Variants in RAB3D observed in about 807,000 individuals in gnomAD.
The protein encoded by RAB3D is RAB3D, member RAS oncogene family.
Under a neutral mutation model 19.3 loss-of-function variants are expected in RAB3D, and 17 were observed. The ratio of observed to expected loss-of-function variants is 0.88; its 90% confidence interval spans 0.60 to 1.32. RAB3D has a LOEUF of 1.32. Ranked by LOEUF, RAB3D falls within the 40% of genes most tolerant of loss-of-function variation. The pLI is 0.00. For synonymous variants in RAB3D, 103 were observed against 119.9 expected, an observed-to-expected ratio of 0.86 and a Z score of 0.92; for missense variants, 223 against 299.1, an observed-to-expected ratio of 0.75 and a Z score of 1.88.
rs1233886326 is a variant in RAB3D at position 11,339,544 on chromosome 19, G to A, written c.-137C>T. On this transcript the variant is annotated 5_prime_UTR_variant, in exon 1 of 5. Coordinates refer to ENST00000222120, the MANE Select transcript of RAB3D (RefSeq NM_004283.4). ...CCTCGCGTAGGGGGCGCCGCCTGCAGGGGTTCCGCCTGTGAACTCGCTGCG... is the reference window on the plus strand; with the variant it reads ...CCTCGCGTAGGGGGCGCCGCCTGCAAGGGTTCCGCCTGTGAACTCGCTGCG... 1 of 152,436 alleles carries A rather than the reference G, an allele frequency of 6.6e-6. No individual in the cohort carries two copies. The highest frequency in any genetic ancestry group is 1.5e-5 in the Non-Finnish European group (1 of 68,214). The allele number at this position is 152,436 out of a possible 1,614,324, so 9.4% of individuals were successfully genotyped here. A position where few individuals can be genotyped will look rare whatever the true frequency, so the allele number is the denominator to read the frequency against.
chr19:11,332,919 TA>T (rs1266167595), intron 4 of RAB3D, among the ~76,000 whole-genome samples: 4 of 151,400 alleles, frequency 2.6e-5, no homozygotes, highest in Non-Finnish European at 5.9e-5. Context: ...TCCAAAGAAA[TA>T]TATGTAAAAA....
chr19:11,326,507 C>A (rs1294458965), intron 4 of RAB3D, among the ~76,000 whole-genome samples: 2 of 152,222 alleles, frequency 1.3e-5, no homozygotes, highest in South Asian at 2.1e-4. Context: ...TGCTGCCCTG[C>A]GGCCATGGCA....
At chr19:11,334,489 C>T (rs554262614) in intron 4 of RAB3D, among the ~76,000 whole-genome samples, 1 of 151,118 alleles carries the variant, frequency 6.6e-6, no homozygotes, top group South Asian at 2.1e-4. Flanking sequence ...AAAAACAAAC[C>T]ATAAAGAACA....
At chr19:11,329,000 T>A (rs994183816) in intron 4 of RAB3D, among the ~76,000 whole-genome samples, 1 of 150,128 alleles carries the variant, frequency 6.7e-6, no homozygotes, top group Non-Finnish European at 1.5e-5. Context: ...GGTATAATCA[T>A]AACTCACTAC....
chr19:11,338,544 TTTC>T (rs1324395644), intron 1 of RAB3D, among the ~76,000 whole-genome samples: 1 of 151,884 alleles, frequency 6.6e-6, no homozygotes, highest in Non-Finnish European at 1.5e-5. Flanking sequence ...GGGAAGGGGT[TTTC>T]TATGTACAGG....
intron 4 of RAB3D, among the ~76,000 whole-genome samples, chr19:11,332,182 G>A (rs1245878292): frequency 1.3e-5 from 2 of 152,056 alleles, no homozygotes; most frequent in Non-Finnish European, 2.9e-5. Context: ...ACAGGCATGC[G>A]CCACCACGAC....
chr19:11,334,337 C>T (rs901147302), intron 4 of RAB3D, among the ~76,000 whole-genome samples: 28 of 152,044 alleles, frequency 1.8e-4, no homozygotes, highest in Admixed American at 1.7e-3. Flanking sequence ...AGGCATGCTG[C>T]GCACACCTGT....
intron 4 of RAB3D, among the ~76,000 whole-genome samples, chr19:11,334,262 G>C (rs2080844499): frequency 6.6e-6 from 1 of 151,544 alleles, no homozygotes. Context: ...CACCTGTCAG[G>C]GGTTCAAGAC....
In RAB3D at chr19:11,337,192, T is replaced by C; in HGVS notation, c.208A>G (p.Arg70Gly). ...CCTACCCAGATCTGCAGCTTGATCC[T>C]CTTGTCATGGCGGTAGACGGTCTTG... ...KVKTVYRHDK[R>G]IKLQIWDTAG... Residue 70 changes from arginine (R) to glycine (G), a missense_variant, in exon 2 of 5, where the codon AGG becomes GGG. Arg to Gly is a moderately radical substitution (Grantham distance 125, BLOSUM62 -2). Coordinates refer to ENST00000222120, the MANE Select transcript of RAB3D (RefSeq NM_004283.4). 6.2e-7 allele frequency: 1 copy of C among 1,613,662 alleles called. No individual in the cohort carries two copies. Among genetic ancestry groups the C allele is most frequent in the Non-Finnish European group, 8.5e-7 (1 of 1,179,900 alleles).
At position 11,325,451 on chromosome 19, in the gene RAB3D, C is replaced by G; in HGVS notation, c.607G>C (p.Gly203Arg). 1 of 1,610,556 alleles carries G rather than the reference C, an allele frequency of 6.2e-7. No individual in the cohort carries two copies. Among genetic ancestry groups the G allele is most frequent in the Non-Finnish European group, 8.5e-7 (1 of 1,179,930 alleles). Reference protein sequence around the residue: ...PSSSSGSNGKGPAVGDAPAPQ... With the variant: ...PSSSSGSNGKRPAVGDAPAPQ... ...GCTGGAGCATCCCCCACGGCCGGGCCTTTCCCGTTGCTGCCTGAGCTGGAG... is the reference window on the plus strand; with the variant it reads ...GCTGGAGCATCCCCCACGGCCGGGCGTTTCCCGTTGCTGCCTGAGCTGGAG... The change falls in exon 5 of 5, where the codon GGC (glycine) becomes CGC (arginine). Residue 203 changes from glycine to arginine, a missense_variant. Gly to Arg is a moderately radical substitution (Grantham distance 125). Coordinates refer to ENST00000222120, the MANE Select transcript of RAB3D (RefSeq NM_004283.4).
chr19:11,334,445 G>A (rs2080845045), intron 4 of RAB3D, among the ~76,000 whole-genome samples: 1 of 151,964 alleles, frequency 6.6e-6, no homozygotes. Flanking sequence ...CTCTAGCCTG[G>A]GCAACAGAGG....
intron 1 of RAB3D, among the ~76,000 whole-genome samples, chr19:11,338,129 A>C (rs1162091557): frequency 6.6e-6 from 1 of 152,190 alleles, no homozygotes; most frequent in Admixed American, 6.6e-5. Flanking sequence ...CGGTCATTAG[A>C]CAGTGCCTGG....
chr19:11,332,198 A>G (rs1382946314), intron 4 of RAB3D, among the ~76,000 whole-genome samples: 1 of 151,978 alleles, frequency 6.6e-6, no homozygotes, highest in African/African-American at 2.4e-5. Flanking sequence ...ACGACCGGCT[A>G]ATTTTGTATT....
chr19:11,334,536 C>A (rs2080845393), intron 4 of RAB3D, among the ~76,000 whole-genome samples: 1 of 152,008 alleles, frequency 6.6e-6, no homozygotes, highest in Non-Finnish European at 1.5e-5. Context: ...TGCCTGCAAT[C>A]CTAGCACTTT....
chr19:11,329,962 G>A (rs1018173956), intron 4 of RAB3D, among the ~76,000 whole-genome samples: 29 of 152,108 alleles, frequency 1.9e-4, no homozygotes, highest in South Asian at 4.2e-4. Context: ...GATTACAGGC[G>A]TGAGCCACCG....
intron 4 of RAB3D, among the ~76,000 whole-genome samples, chr19:11,333,693 CTT>C (rs112998115): frequency 1.4e-5 from 2 of 143,444 alleles, no homozygotes; most frequent in Non-Finnish European, 1.5e-5. Context: ...TCTTTCTTTC[CTT>C]TTTTTTTTTT....
intron 1 of RAB3D, among the ~76,000 whole-genome samples, 186 bp from the exon 2 acceptor site, chr19:11,337,646 G>C (rs1966909084): frequency 6.6e-6 from 1 of 151,792 alleles, no homozygotes; most frequent in South Asian, 2.1e-4. Context: ...AGTTGGTTGT[G>C]AGCCTAAAAT....
chr19:11,327,484 C>T (rs1441903367), intron 4 of RAB3D, among the ~76,000 whole-genome samples: 4 of 152,198 alleles, frequency 2.6e-5, no homozygotes, highest in Admixed American at 6.6e-5. Flanking sequence ...CTGCAACCTC[C>T]GTCTCCCGAG....
Position 11,337,163 on chromosome 19 carries a change from C to G in RAB3D, c.228+9G>C, listed in dbSNP as rs1966903212. On this transcript the variant is annotated intron_variant, in intron 2 of 4. Transcript: ENST00000222120. Reference sequence around the variant, plus strand: ...CCACCCCCAACCCACAGCCAGCCTCCCAGCCTACCCAGATCTGCAGCTTGA... The same window carrying G: ...CCACCCCCAACCCACAGCCAGCCTCGCAGCCTACCCAGATCTGCAGCTTGA... The G allele has an allele frequency of 6.2e-7, 1 of 1,612,196 alleles. No homozygotes were observed. Among genetic ancestry groups the G allele is most frequent in the African/African-American group, 1.3e-5 (1 of 74,798 alleles).
Sources: gnomAD v4.1 joint callset for allele counts (sites outside exome capture counted in the v4.1 genomes callset) on GRCh38, gnomAD v4.1.1 for gene constraint, MANE v1.5 for transcripts, NCBI Gene and HGNC (gene_info 2026-07-23, HGNC 2026-07-21) for gene names.